Variants in SESN3 observed in about 807,000 individuals in gnomAD.
SESN3 encodes the protein sestrin 3.
A neutral mutation model predicts 55.3 loss-of-function variants in SESN3; 21 were observed. That is an observed-to-expected ratio of 0.38 (90% CI 0.27 to 0.55). SESN3 has a LOEUF of 0.55. Ranked by LOEUF, SESN3 falls within the 20% of genes least tolerant of loss-of-function variation. SESN3 has a pLI of 0.76. For missense variants in SESN3, 408 were observed against 604.3 expected, an observed-to-expected ratio of 0.68 and a Z score of 3.41; for synonymous variants, 181 against 203.1, an observed-to-expected ratio of 0.89 and a Z score of 0.93.
At chr11:95,180,935 A>G (rs1398492226) in intron 6 of SESN3, among the ~76,000 whole-genome samples, 1 of 152,152 alleles carries the variant, frequency 6.6e-6, no homozygotes, top group African/African-American at 2.4e-5. Flanking sequence ...TCCTTAATTC[A>G]GTTCATTACA....
In SESN3 at chr11:95,167,826, T is replaced by C. The variant is rs1859779003; in HGVS notation, c.*5429A>G. The C allele has an allele frequency of 6.6e-6, 1 of 152,218 alleles. No individual in the cohort carries two copies. Among genetic ancestry groups the C allele is most frequent in the South Asian group, 2.1e-4 (1 of 4,828 alleles). 9.4% of individuals were successfully genotyped at this position (152,218 alleles called of 1,614,324 possible). A position where few individuals can be genotyped will look rare whatever the true frequency, so the allele number is the denominator to read the frequency against. On this transcript the variant is annotated 3_prime_UTR_variant, in exon 10 of 10. Transcript: ENST00000536441. Reference sequence around the variant, plus strand: ...TTTTACATTTATGAACAACCTCAAGTGCACCTAGCTGGAGAGAAGAACTAT... The same window carrying C: ...TTTTACATTTATGAACAACCTCAAGCGCACCTAGCTGGAGAGAAGAACTAT...
At chr11:95,176,412 T>C (rs1168217130) in intron 8 of SESN3, among the ~76,000 whole-genome samples, 2 of 152,200 alleles carry the variant, frequency 1.3e-5, no homozygotes, top group African/African-American at 2.4e-5. Flanking sequence ...TGTGTTTCAA[T>C]GCTGATGGGA....
chr11:95,222,694 A>G (rs1305614196), intron 1 of SESN3, among the ~76,000 whole-genome samples: 2 of 152,240 alleles, frequency 1.3e-5, no homozygotes, highest in Admixed American at 6.5e-5. Context: ...GTGCAATTGA[A>G]TATCATGGCA....
intron 1 of SESN3, among the ~76,000 whole-genome samples, chr11:95,226,538 A>T (rs1316217253): frequency 6.6e-6 from 1 of 152,224 alleles, no homozygotes; most frequent in Non-Finnish European, 1.5e-5. Context: ...TTTTAGTAAT[A>T]AAGTTACAAC....
intron 8 of SESN3, 30 bp downstream of exon 8, chr11:95,177,689 T>C: frequency 6.5e-7 from 1 of 1,534,114 alleles, no homozygotes; most frequent in South Asian, 1.2e-5. Flanking sequence ...CACTTAGAAA[T>C]GTAAAAAACT....
At chr11:95,196,113 A>C (rs573542426) in intron 1 of SESN3, among the ~76,000 whole-genome samples, 1 of 152,316 alleles carries the variant, frequency 6.6e-6, no homozygotes, top group African/African-American at 2.4e-5. Flanking sequence ...TATACCGAAC[A>C]TAAAAGAAAA....
chr11:95,186,194 C>CTGTGTGTGTGTGTGTGTGTG (rs35466696), intron 4 of SESN3, among the ~76,000 whole-genome samples: 2,808 of 107,526 alleles, frequency 0.026, 94 homozygotes, highest in Admixed American at 0.035. Context: ...CTATCTCTCA[C>CTGTGTGTGTGTGTGTGTGTG]TGTGTGTGTG....
chr11:95,209,251 G>C (rs539128079), intron 1 of SESN3, among the ~76,000 whole-genome samples: 11 of 151,560 alleles, frequency 7.3e-5, no homozygotes, highest in African/African-American at 2.7e-4. Flanking sequence ...CAAAAAGTGG[G>C]CAAAGGATAT....
Position 95,173,128 on chromosome 11 carries a change from AAAAC to A in SESN3, c.*123_*126del, listed in dbSNP as rs1455704922. 77 of 544,662 alleles carry A rather than the reference AAAAC, an allele frequency of 1.4e-4. No individual in the cohort carries two copies. Among genetic ancestry groups the A allele is most frequent in the East Asian group, 2.5e-4 (9 of 36,298 alleles). 33.7% of individuals were successfully genotyped at this position (544,662 alleles called of 1,614,324 possible). A position where few individuals can be genotyped will look rare whatever the true frequency, so the allele number is the denominator to read the frequency against. On this transcript the variant is annotated 3_prime_UTR_variant, in exon 10 of 10. Coordinates refer to ENST00000536441, the MANE Select transcript of SESN3 (RefSeq NM_144665.4). Reference sequence around the variant, plus strand: ...TACAGCCGCAAAAAACAAAAAAAAAAAAACAAACGGCTAAACTTTGACACTAGAG... The same window carrying A: ...TACAGCCGCAAAAAACAAAAAAAAAAAAACGGCTAAACTTTGACACTAGAG...
intron 7 of SESN3, 77 bp downstream of exon 7, chr11:95,178,633 C>T: frequency 1.1e-6 from 1 of 911,392 alleles, no homozygotes; most frequent in Non-Finnish European, 1.8e-6. Context: ...TGTTTAGTGC[C>T]AATTTTTAAA....
At chr11:95,216,988 C>T (rs1361183587) in intron 1 of SESN3, among the ~76,000 whole-genome samples, 1 of 151,794 alleles carries the variant, frequency 6.6e-6, no homozygotes, top group Non-Finnish European at 1.5e-5. Flanking sequence ...TGCCTGTACT[C>T]CCAGCTTCTC....
At chr11:95,178,438 C>CA (rs962045090) in intron 7 of SESN3, among the ~76,000 whole-genome samples, 12 of 152,022 alleles carry the variant, frequency 7.9e-5, no homozygotes, top group African/African-American at 2.7e-4. Flanking sequence ...TGTTCCCCCT[C>CA]AAAAAAATGG....
rs1481418498 is a variant in SESN3, at chr11:95,169,951, CCT to C, written c.*3302_*3303del. 3 of 152,002 alleles carry C rather than the reference CCT, an allele frequency of 2.0e-5. No individual in the cohort carries two copies. The highest frequency in any genetic ancestry group is 4.4e-5 in the Non-Finnish European group (3 of 67,992). The allele number at this position is 152,002 out of a possible 1,614,324, so 9.4% of individuals were successfully genotyped here. A position where few individuals can be genotyped will look rare whatever the true frequency, so the allele number is the denominator to read the frequency against. On this transcript the variant is annotated 3_prime_UTR_variant, in exon 10 of 10. Transcript: ENST00000536441. ...TTGAGTTTTCTGTTGTAAAAACAGC[CCT>C]GTGTTTCTCTGCCATTATTTGGGCT...
chr11:95,197,842 C>T (rs1860390909), intron 1 of SESN3, among the ~76,000 whole-genome samples: 1 of 152,090 alleles, frequency 6.6e-6, no homozygotes, highest in African/African-American at 2.4e-5. Context: ...GCAACTGCCT[C>T]CTGAATCTTT....
intron 8 of SESN3, among the ~76,000 whole-genome samples, chr11:95,177,193 A>G (rs751266543): frequency 2.0e-5 from 3 of 152,130 alleles, no homozygotes; most frequent in Non-Finnish European, 2.9e-5. Context: ...TGTCCTCTCA[A>G]TGCTAATTTT....
chr11:95,185,655 C>T (rs555677079), intron 4 of SESN3, among the ~76,000 whole-genome samples, 163 bp from the exon 5 acceptor site: 6 of 152,082 alleles, frequency 3.9e-5, no homozygotes, highest in South Asian at 2.1e-4. Context: ...TTGGCCAATG[C>T]GCCATTAAAA....
intron 1 of SESN3, among the ~76,000 whole-genome samples, chr11:95,205,984 G>A (rs991576391): frequency 1.3e-5 from 2 of 151,990 alleles, no homozygotes; most frequent in African/African-American, 4.8e-5. Context: ...TTCAACTTTT[G>A]TTTTCCAAGT....
In SESN3 at chr11:95,178,694, T is replaced by C. The variant is rs199996937; in HGVS notation, c.1056+16A>G. ...ACAGTATGTTCTAGTTTCTCTGAAT[T>C]AAAGACATATTATACCTGAGCTCGG... On this transcript the variant is annotated intron_variant, in intron 7 of 9. Coordinates refer to ENST00000536441, the MANE Select transcript of SESN3 (RefSeq NM_144665.4). 7.6e-5 allele frequency: 111 copies of C among 1,457,146 alleles called. No homozygotes were observed. Among genetic ancestry groups the C allele is most frequent in the Non-Finnish European group, 1.0e-4 (106 of 1,037,096 alleles). The allele number at this position is 1,457,146 out of a possible 1,614,324, so 90.3% of individuals were successfully genotyped here.
At chr11:95,205,408 A>G (rs1308458870) in intron 1 of SESN3, among the ~76,000 whole-genome samples, 1 of 152,174 alleles carries the variant, frequency 6.6e-6, no homozygotes, top group African/African-American at 2.4e-5. Flanking sequence ...GATTTGGGTT[A>G]ATTAAGCAGT....
Sources: allele counts gnomAD v4.1 joint callset (sites outside exome capture counted in the v4.1 genomes callset), GRCh38; gene constraint gnomAD v4.1.1; transcripts MANE v1.5; gene names NCBI Gene and HGNC (gene_info 2026-07-23, HGNC 2026-07-21).